TRIM14: variants seen among roughly 807,000 people sequenced by gnomAD.
TRIM14 encodes the protein tripartite motif-containing protein 14.
A neutral mutation model predicts 44.5 loss-of-function variants in TRIM14; 28 were observed. The ratio of observed to expected loss-of-function variants is 0.63; its 90% CI spans 0.47 to 0.86. TRIM14 has a LOEUF of 0.86. TRIM14 is among the 40% of genes least tolerant of loss of function. The pLI, the probability that TRIM14 is intolerant of heterozygous loss-of-function variation, is 0.00. For missense variants in TRIM14, 607 were observed against 611.1 expected (o/e 0.99, Z 0.07); for synonymous variants, 299 against 269.2 (o/e 1.11, Z -1.08).
chr9:98,087,231 G>T lies in TRIM14; in HGVS notation c.*239C>A, dbSNP rs750381026. The T allele has an allele frequency of 1.3e-6, 1 of 779,304 alleles. No individual in the cohort carries two copies. The highest frequency in any genetic ancestry group is 1.4e-5 in the South Asian group (1 of 73,690). 48.3% of individuals were successfully genotyped at this position (779,304 alleles called of 1,614,324 possible). ...GATTAAAGTAGTGTAAGTGATGGTG[G>T]GGTGAGGGTGCGGAGGTCTGATGAG... On this transcript the variant is annotated 3_prime_UTR_variant, in exon 6 of 6. Transcript: ENST00000341469.
chr9:98,052,018 A>T, the TRIM14 span, among the ~76,000 whole-genome samples: 27 of 152,156 alleles, frequency 1.8e-4, no homozygotes, highest in African/African-American at 6.5e-4. Flanking sequence ...CTTAAAATAT[A>T]TTCGCTACCT....
At chr9:98,054,826 C>A in the TRIM14 span, among the ~76,000 whole-genome samples, 1 of 152,174 alleles carries the variant, frequency 6.6e-6, no homozygotes, top group Admixed American at 6.5e-5. Context: ...CAAGAGCAAT[C>A]CCGAATGAGC....
chr9:98,060,274 C>A, the TRIM14 span, among the ~76,000 whole-genome samples: 1 of 152,188 alleles, frequency 6.6e-6, no homozygotes, highest in East Asian at 1.9e-4. Flanking sequence ...GGAGGTCTCC[C>A]ATCTCCAAAC....
At chr9:98,056,828 T>C in the TRIM14 span, 1 of 1,611,342 alleles carries the variant, frequency 6.2e-7, no homozygotes, top group Non-Finnish European at 8.5e-7. Context: ...GAGCTGGAGC[T>C]GTGTCCCGGG....
At chr9:98,111,834 A>G (rs947716277) in intron 1 of TRIM14, among the ~76,000 whole-genome samples, 4 of 152,166 alleles carry the variant, frequency 2.6e-5, no homozygotes, top group Admixed American at 2.0e-4. Flanking sequence ...GCTACTCGGG[A>G]GGCTGAGGCA....
In TRIM14 at chr9:98,085,068, C is replaced by T. The variant is rs1357631632; in HGVS notation, c.*2402G>A. On this transcript the variant is annotated 3_prime_UTR_variant, in exon 6 of 6. Coordinates refer to ENST00000341469, the MANE Select transcript of TRIM14 (RefSeq NM_014788.4). Reference sequence around the variant, plus strand: ...TTACAGTCTAGCTCTGTCTCTGCTACATGAATCCCAAATTTTTGAATCAAG... The same window carrying T: ...TTACAGTCTAGCTCTGTCTCTGCTATATGAATCCCAAATTTTTGAATCAAG... 1 of 152,226 alleles carries T rather than the reference C, an allele frequency of 6.6e-6. No homozygotes were observed. The highest frequency in any genetic ancestry group is 1.5e-5 in the Non-Finnish European group (1 of 68,048). The allele number at this position is 152,226 out of a possible 1,614,324, so 9.4% of individuals were successfully genotyped here.
chr9:98,036,984 A>T, the TRIM14 span, among the ~76,000 whole-genome samples: 2 of 152,200 alleles, frequency 1.3e-5, no homozygotes, highest in African/African-American at 4.8e-5. Flanking sequence ...CCCTGGGTTC[A>T]GTGCTGGGAA....
chr9:98,044,957 C>CA, the TRIM14 span, among the ~76,000 whole-genome samples: 1 of 151,908 alleles, frequency 6.6e-6, no homozygotes, highest in African/African-American at 2.4e-5. Context: ...TATTAAAACA[C>CA]AAAAAATTAG....
rs139523313 is a variant in TRIM14 at position 98,100,620 on chromosome 9, G to A, written c.304-456C>T. ...AGAGAAAACTGATAAGAGGTTATCT[G>A]CCTTATCTGCCTTATCTGATAACAA... On this transcript the variant is annotated intron_variant, in intron 2 of 5. Transcript: ENST00000341469. Among the ~76,000 whole-genome samples, 236 of 152,160 alleles carry A rather than the reference G, an allele frequency of 1.6e-3. 2 individuals are homozygous for A. Among genetic ancestry groups the A allele is most frequent in the Middle Eastern group, 0.01 (3 of 294 alleles).
At chr9:98,083,868 T>C (rs1479879573), downstream of TRIM14, among the ~76,000 whole-genome samples, 1 of 152,214 alleles carries the variant, frequency 6.6e-6, no homozygotes, top group Non-Finnish European at 1.5e-5. Context: ...GTTCAAGCTA[T>C]AATACGATCT....
rs893964603 is a variant in TRIM14, at chr9:98,091,441, T to TCA, written c.793+466_793+467dup. ...CACTGCACTCCAGAGCAAGACTCGG[T>TCA]CACACACACACACACACATAGTGAT... On this transcript the variant is annotated intron_variant, in intron 5 of 5. Transcript: ENST00000341469. 7.0e-3 allele frequency among the ~76,000 whole-genome samples: 1,048 copies of TCA among 150,066 alleles called. 11 individuals carry two copies. The highest frequency in any genetic ancestry group is 0.02 in the African/African-American group (825 of 41,032).
chr9:98,117,317 A>AT (rs1587981763), intron 1 of TRIM14, among the ~76,000 whole-genome samples: 5 of 131,592 alleles, frequency 3.8e-5, no homozygotes, highest in Non-Finnish European at 1.6e-5. Context: ...TATTTATTTA[A>AT]GACAAAGTCT....
the TRIM14 span, among the ~76,000 whole-genome samples, chr9:98,062,777 G>GTT: frequency 2.2e-3 from 243 of 109,296 alleles, no homozygotes; most frequent in Admixed American, 3.0e-3. Flanking sequence ...AGTTATTTCA[G>GTT]TTTTTTTTTT....
the TRIM14 span, among the ~76,000 whole-genome samples, chr9:98,044,884 G>A: frequency 2.0e-4 from 30 of 152,094 alleles, no homozygotes; most frequent in Admixed American, 3.9e-4. Context: ...AGGCCAAGGC[G>A]GGTGGATTGC....
chr9:98,069,019 A>C (rs372044184), downstream of TRIM14, among the ~76,000 whole-genome samples: 1 of 152,198 alleles, frequency 6.6e-6, no homozygotes, highest in Non-Finnish European at 1.5e-5. Context: ...ACCACTTAAC[A>C]TAGACTGGGA....
chr9:98,115,314 A>G (rs1827010325), intron 1 of TRIM14, among the ~76,000 whole-genome samples: 1 of 152,080 alleles, frequency 6.6e-6, no homozygotes. Context: ...CAGTGGCACA[A>G]TCTTGGCTCA....
intron 1 of TRIM14, among the ~76,000 whole-genome samples, chr9:98,112,841 C>T (rs1055852279): frequency 4.1e-5 from 6 of 144,840 alleles, no homozygotes; most frequent in Non-Finnish European, 6.0e-5. Context: ...TGGCCAGGCG[C>T]GGTGGTTCAT....
At chr9:98,083,921 T>C (rs181500598), downstream of TRIM14, among the ~76,000 whole-genome samples, 10 of 152,292 alleles carry the variant, frequency 6.6e-5, no homozygotes, top group East Asian at 1.9e-3. Flanking sequence ...TACACGTAAG[T>C]GAGAACTTTA....
the TRIM14 span, chr9:98,056,984 G>A: frequency 4.0e-6 from 6 of 1,515,952 alleles, no homozygotes; most frequent in Non-Finnish European, 4.4e-6. Flanking sequence ...GCGCCGGGAG[G>A]GGCGGGGCGG....
Sources: allele counts gnomAD v4.1 joint callset (sites outside exome capture counted in the v4.1 genomes callset), GRCh38; gene constraint gnomAD v4.1.1; transcripts MANE v1.5; gene names NCBI Gene and HGNC (gene_info 2026-07-23, HGNC 2026-07-21).